Variants in NCOA1 observed in about 807,000 individuals in gnomAD.
NCOA1 encodes nuclear receptor coactivator 1, also known as Hin-2 protein.
A neutral mutation model predicts 150.9 loss-of-function variants in NCOA1; 35 were observed. The observed-to-expected ratio is 0.23, with a 90% confidence interval of 0.18 to 0.31. The LOEUF (loss-of-function observed/expected upper bound fraction) is 0.31. NCOA1 is among the 10% of genes least tolerant of loss of function. The probability of loss-of-function intolerance (pLI) is 1.00; values close to 1 mark genes in which losing one functional copy is unlikely to be tolerated. For missense variants in NCOA1, 1,491 were observed against 1,749.3 expected (o/e 0.85, Z 2.63); for synonymous variants, 590 against 630.0 (o/e 0.94, Z 0.95).
rs1662950616 is a variant in NCOA1, at chr2:24,491,491, C to CCA, written c.-507_-506insCA. The stretch of plus-strand genomic sequence containing the variant: ...GGACCCCTGCTCCGGAGGAGGGGGC[C>CCA]GGAGAGCCGCGGCGCCGGGCCCGAG... On this transcript the variant is annotated 5_prime_UTR_variant, in exon 1 of 23. Transcript: ENST00000348332. Among the ~76,000 whole-genome samples the CCA allele has an allele frequency of 9.8e-6, 1 of 101,526 alleles. No homozygotes were observed. Among genetic ancestry groups the CCA allele is most frequent in the Non-Finnish European group, 1.8e-5 (1 of 54,356 alleles). 66.6% of individuals were successfully genotyped at this position (101,526 alleles called of 152,430 possible).
At chr2:24,529,376 A>G (rs1664786363) in intron 1 of NCOA1, among the ~76,000 whole-genome samples, 1 of 152,200 alleles carries the variant, frequency 6.6e-6, no homozygotes. Flanking sequence ...TGCCCAGACT[A>G]GAGAGTAGCG....
chr2:24,683,461 T>G (rs1672267581), intron 8 of NCOA1, among the ~76,000 whole-genome samples: 2 of 151,454 alleles, frequency 1.3e-5, no homozygotes, highest in South Asian at 4.2e-4. Context: ...AGAGAGGGAG[T>G]GAGAAGGAGG....
intron 22 of NCOA1, among the ~76,000 whole-genome samples, chr2:24,766,172 T>A (rs1229808189): frequency 6.6e-6 from 1 of 152,322 alleles, no homozygotes; most frequent in East Asian, 1.9e-4. Context: ...AGTGCTAGAA[T>A]TAGAGGCATG....
chr2:24,642,852 A>G (rs1572532525), intron 3 of NCOA1, among the ~76,000 whole-genome samples: 1 of 152,226 alleles, frequency 6.6e-6, no homozygotes, highest in East Asian at 1.9e-4. Flanking sequence ...ATGCTGAGTG[A>G]AAAAAGCCAA....
At chr2:24,756,077 AAAAAAAAAAAAAAAAAAG>A (rs1664483007) in intron 20 of NCOA1, among the ~76,000 whole-genome samples, 1 of 91,310 alleles carries the variant, frequency 1.1e-5, no homozygotes, top group Non-Finnish European at 2.7e-5. Context: ...CTACTAAAAA[AAAAAAAAAAAAAAAAAAG>A]AATACAAAAT....
chr2:24,565,254 C>A (rs1220375106), intron 2 of NCOA1, among the ~76,000 whole-genome samples: 1 of 152,148 alleles, frequency 6.6e-6, no homozygotes, highest in East Asian at 1.9e-4. Context: ...GAATTCCAAA[C>A]AGGTAGAGTG....
At position 24,758,159 on chromosome 2, in the gene NCOA1, A is replaced by G; in HGVS notation, c.4065+3A>G. The G allele has an allele frequency of 2.5e-6, 4 of 1,606,602 alleles. No individual in the cohort carries two copies. Among genetic ancestry groups the G allele is most frequent in the Non-Finnish European group, 2.6e-6 (3 of 1,174,130 alleles). On this transcript the variant is annotated splice_donor_region_variant and intron_variant, in intron 21 of 22. Transcript: ENST00000348332. ...TGAACACTGTGTGCCCTGAGCAGGT[A>G]AGTGGCACACTCGCCACACACATGC...
At chr2:24,753,069 A>G (rs1159022108) in intron 20 of NCOA1, among the ~76,000 whole-genome samples, 1 of 152,242 alleles carries the variant, frequency 6.6e-6, no homozygotes, top group Non-Finnish European at 1.5e-5. Context: ...GAAAGGTGAG[A>G]GAAAATCTTC....
chr2:24,716,546 AT>A (rs1244202216), intron 14 of NCOA1, among the ~76,000 whole-genome samples: 2 of 152,202 alleles, frequency 1.3e-5, no homozygotes, highest in African/African-American at 2.4e-5. Flanking sequence ...ACACAAAAAA[AT>A]GAACTTATTT....
chr2:24,631,166 A>C (rs1669692717), intron 3 of NCOA1, among the ~76,000 whole-genome samples: 1 of 152,180 alleles, frequency 6.6e-6, no homozygotes, highest in Non-Finnish European at 1.5e-5. Context: ...ATTAACAAGT[A>C]TACATAAGCT....
intron 3 of NCOA1, among the ~76,000 whole-genome samples, chr2:24,633,209 C>T (rs1572518336): frequency 6.6e-6 from 1 of 151,494 alleles, no homozygotes; most frequent in Admixed American, 6.6e-5. Context: ...GGATGCTGCA[C>T]CCATAAAGCA....
intron 3 of NCOA1, among the ~76,000 whole-genome samples, chr2:24,638,208 G>A (rs1323774048): frequency 1.8e-5 from 1 of 54,574 alleles, no homozygotes; most frequent in Non-Finnish European, 4.0e-5. Context: ...TTTTTTTTTA[G>A]CTTTCACATA....
intron 1 of NCOA1, among the ~76,000 whole-genome samples, chr2:24,493,882 G>GCTTA (rs1308309251): frequency 6.6e-6 from 1 of 152,184 alleles, no homozygotes; most frequent in Non-Finnish European, 1.5e-5. Flanking sequence ...GGGAGTCTAA[G>GCTTA]GTCAAACTTT....
chr2:24,735,782 T>C (rs1281102241), intron 17 of NCOA1, among the ~76,000 whole-genome samples: 1 of 152,132 alleles, frequency 6.6e-6, no homozygotes, highest in Non-Finnish European at 1.5e-5. Flanking sequence ...AATACGAAGT[T>C]ACAAGCCTTT....
At chr2:24,550,582 A>G (rs1665784655) in intron 1 of NCOA1, among the ~76,000 whole-genome samples, 1 of 152,216 alleles carries the variant, frequency 6.6e-6, no homozygotes, top group South Asian at 2.1e-4. Flanking sequence ...ACCTCCCTTC[A>G]GGTCCTTTTA....
At chr2:24,525,269 G>T (rs1416087391) in intron 1 of NCOA1, among the ~76,000 whole-genome samples, 1 of 152,080 alleles carries the variant, frequency 6.6e-6, no homozygotes. Flanking sequence ...TTCCAAATTT[G>T]GGGGACTAGT....
intron 1 of NCOA1, among the ~76,000 whole-genome samples, chr2:24,500,248 A>ACAG (rs925961437): frequency 2.0e-5 from 3 of 152,042 alleles, no homozygotes; most frequent in African/African-American, 7.2e-5. Flanking sequence ...AGCTGGGATT[A>ACAG]CAGGCATGTG....
intron 1 of NCOA1, among the ~76,000 whole-genome samples, chr2:24,546,718 TCAGA>T (rs1040235502): frequency 1.3e-5 from 2 of 152,222 alleles, no homozygotes; most frequent in Non-Finnish European, 2.9e-5. Flanking sequence ...TGAGCAGGGC[TCAGA>T]TAGGGGATTC....
At chr2:24,635,768 C>G (rs1168365310) in intron 3 of NCOA1, among the ~76,000 whole-genome samples, 3 of 152,110 alleles carry the variant, frequency 2.0e-5, no homozygotes, top group South Asian at 4.1e-4. Context: ...GAACAATGGG[C>G]TAATCTAACT....
Sources: allele counts gnomAD v4.1 joint callset (sites outside exome capture counted in the v4.1 genomes callset), GRCh38; gene constraint gnomAD v4.1.1; transcripts MANE v1.5; gene names NCBI Gene and HGNC (gene_info 2026-07-23, HGNC 2026-07-21).